ITIH2: variants seen among roughly 807,000 people sequenced by gnomAD.
ITIH2 encodes the protein inter-alpha-trypsin inhibitor heavy chain H2.
Under a neutral mutation model 104.4 loss-of-function variants are expected in ITIH2, and 103 were observed. The ratio of observed to expected loss-of-function variants is 0.99; its 90% confidence interval spans 0.84 to 1.16. ITIH2 has a LOEUF of 1.16. ITIH2 is among the 50% of genes most tolerant of loss of function. ITIH2 has a pLI of 0.00. For missense variants in ITIH2, 1,108 were observed against 1,162.4 expected, an observed-to-expected ratio of 0.95 and a Z score of 0.68; for synonymous variants, 436 against 435.4, an observed-to-expected ratio of 1.00 and a Z score of -0.02.
At chr10:7,713,493 G>C in intron 5 of ITIH2, 2 of 508,094 alleles carry the variant, frequency 3.9e-6, no homozygotes, top group South Asian at 6.4e-5. Flanking sequence ...GTGATCCCAC[G>C]CTGGTTGTGC....
chr10:7,704,721 C>T (rs1327730365), intron 1 of ITIH2, among the ~76,000 whole-genome samples: 1 of 152,030 alleles, frequency 6.6e-6, no homozygotes, highest in Non-Finnish European at 1.5e-5. Flanking sequence ...TTGTGATTGC[C>T]CAGAGGTAGA....
At chr10:7,712,380 G>A (rs1344618012) in intron 4 of ITIH2, among the ~76,000 whole-genome samples, 9 of 152,040 alleles carry the variant, frequency 5.9e-5, no homozygotes, top group African/African-American at 1.4e-4. Flanking sequence ...TAATGTCATC[G>A]TCCTAGGAAG....
chr10:7,718,802 T>A (rs754034209), intron 6 of ITIH2, among the ~76,000 whole-genome samples: 3 of 152,174 alleles, frequency 2.0e-5, no homozygotes, highest in Non-Finnish European at 4.4e-5. Context: ...TCCTGTAATA[T>A]GTGGCCAATG....
At chr10:7,741,863 C>T (rs1460125950) in intron 16 of ITIH2, among the ~76,000 whole-genome samples, 2 of 152,178 alleles carry the variant, frequency 1.3e-5, no homozygotes, top group Non-Finnish European at 2.9e-5. Flanking sequence ...CTTCTACCTC[C>T]ACTCCTTCCT....
rs1411774716 is a variant in ITIH2 at position 7,709,131 on chromosome 10, C to T, written c.302C>T (p.Pro101Leu). 6.2e-7 allele frequency: 1 copy of T among 1,614,116 alleles called. No homozygotes were observed. Among genetic ancestry groups the T allele is most frequent in the East Asian group, 2.2e-5 (1 of 44,882 alleles). The change falls in exon 4 of 21, where the codon CCT becomes CTT. Residue 101 changes from proline to leucine, a missense_variant. Transcript: ENST00000358415. ...AAAGTGGTGAACAATTCCCCGCAGC[C>T]TCAGAATGTCGTGTTTGATGTTCAG... Reference protein sequence around the residue: ...QSKVVNNSPQPQNVVFDVQIP... With the variant: ...QSKVVNNSPQLQNVVFDVQIP...
At chr10:7,737,458 TATA>T (rs970755715) in intron 15 of ITIH2, among the ~76,000 whole-genome samples, 55 of 139,910 alleles carry the variant, frequency 3.9e-4, no homozygotes, top group Non-Finnish European at 7.6e-4. Flanking sequence ...ACAGATAACG[TATA>T]ATTATAATTA....
rs114697543 is a variant in ITIH2 at position 7,718,806 on chromosome 10, G to A, written c.630+1018G>A. 5.1e-3 allele frequency among the ~76,000 whole-genome samples: 782 copies of A among 152,226 alleles called. 6 individuals are homozygous for A. Among genetic ancestry groups the A allele is most frequent in the African/African-American group, 0.018 (748 of 41,534 alleles). On this transcript the variant is annotated intron_variant, in intron 6 of 20. Transcript: ENST00000358415. ...TGGTTTCCTGTTCCTGTAATATGTG[G>A]CCAATGACAGGAGCTTGATGAAGGT...
Position 7,705,256 on chromosome 10 carries a change from A to G in ITIH2, c.159+74A>G. The G allele has an allele frequency of 4.9e-6, 5 of 1,022,510 alleles. No individual in the cohort carries two copies. The South Asian group carries it at 6.7e-5, about 14-fold the overall frequency. 63.3% of individuals were successfully genotyped at this position (1,022,510 alleles called of 1,614,324 possible). ...ATGGCAGAAGAAGACAAGTGTTAAG[A>G]TGCCTTCTGCTAGATTTTCTTAAGA... On this transcript the variant is annotated intron_variant, in intron 2 of 20. Transcript: ENST00000358415.
At chr10:7,740,094 G>A (rs1835110194) in intron 16 of ITIH2, among the ~76,000 whole-genome samples, 2 of 152,156 alleles carry the variant, frequency 1.3e-5, no homozygotes, top group African/African-American at 4.8e-5. Flanking sequence ...GCTTAGGCAG[G>A]AGAATTGCTT....
At chr10:7,727,333 C>T (rs1834960071) in intron 10 of ITIH2, among the ~76,000 whole-genome samples, 1 of 152,206 alleles carries the variant, frequency 6.6e-6, no homozygotes, top group African/African-American at 2.4e-5. Context: ...TTTAATGTCT[C>T]TCAGAAAAAG....
Position 7,727,733 on chromosome 10 carries a change from C to T in ITIH2, c.1184C>T (p.Ala395Val). The change falls in exon 11 of 21, where the codon GCA (alanine) becomes GTA (valine). Residue 395 changes from alanine to valine, a missense_variant. Transcript: ENST00000358415. ...GTNINEALLR[A>V]IFILNEANNL... ...AACATCAACGAAGCACTCCTACGGG[C>T]AATCTTCATTTTGAATGAAGCCAAT... 1 of 1,614,132 alleles carries T rather than the reference C, an allele frequency of 6.2e-7. No homozygotes were observed. Among genetic ancestry groups the T allele is most frequent in the Non-Finnish European group, 8.5e-7 (1 of 1,179,958 alleles).
intron 1 of ITIH2, 83 bp from the exon 2 acceptor site, chr10:7,705,025 C>T: frequency 4.6e-6 from 4 of 864,138 alleles, no homozygotes; most frequent in Non-Finnish European, 7.3e-6. Flanking sequence ...ACCTATGTAA[C>T]AAATCTGCAC....
In ITIH2 at chr10:7,735,075, T is replaced by G; in HGVS notation, c.1941T>G (p.Asp647Glu). Residue 647 changes from aspartate (D) to glutamate (E), a missense_variant, in exon 15 of 21, where the codon GAT (aspartate) becomes GAG (glutamate). Coordinates refer to ENST00000358415, the MANE Select transcript of ITIH2 (RefSeq NM_002216.3). ...ERMLADAPPQ[D>E]PSCCSGALYY... ...TGCTGGCGGATGCCCCACCGCAGGA[T>G]CCCTCCTGCTGCTCAGGTCAGGGCT... 6.2e-7 allele frequency: 1 copy of G among 1,609,202 alleles called. No homozygotes were observed. The highest frequency in any genetic ancestry group is 8.5e-7 in the Non-Finnish European group (1 of 1,179,582).
intron 4 of ITIH2, 135 bp downstream of exon 4, chr10:7,709,326 G>T (rs919035078): frequency 9.6e-5 from 71 of 739,054 alleles, no homozygotes; most frequent in Non-Finnish European, 1.4e-4. Flanking sequence ...TTGTGAGGTT[G>T]GTCCCAATAA....
chr10:7,746,068 TAAA>T (rs372266950), intron 19 of ITIH2, among the ~76,000 whole-genome samples: 767 of 35,698 alleles, frequency 0.021, 10 homozygotes, highest in Middle Eastern at 0.043. Context: ...ATCTTAAATT[TAAA>T]AAAAAAAAAA....
At position 7,717,752 on chromosome 10, in the gene ITIH2, C is replaced by A. The variant is rs746445870; in HGVS notation, c.594C>A (p.Ile198=). The A allele has an allele frequency of 4.3e-5, 69 of 1,612,226 alleles. No homozygotes were observed. Among genetic ancestry groups the A allele is most frequent in the Non-Finnish European group, 5.7e-5 (67 of 1,179,608 alleles). ...AGCTGGGCTCCTATGAGCACAGGAT[C>A]TATCTGCAACCTGGACGGCTGGCCA... ...WRKLGSYEHR[I]YLQPGRLAKH... is the part of the protein sequence containing the mutation. Residue 198 remains isoleucine (I), a synonymous_variant, in exon 6 of 21, where the codon ATC becomes ATA. Coordinates refer to ENST00000358415, the MANE Select transcript of ITIH2 (RefSeq NM_002216.3).
At chr10:7,718,476 G>A (rs1038356041) in intron 6 of ITIH2, among the ~76,000 whole-genome samples, 9 of 152,104 alleles carry the variant, frequency 5.9e-5, no homozygotes, top group African/African-American at 2.2e-4. Flanking sequence ...CTGAGTCTTC[G>A]CTGTCTCATC....
Position 7,720,849 on chromosome 10 carries a change from T to C in ITIH2, c.631-7T>C. The C allele has an allele frequency of 1.3e-6, 2 of 1,561,082 alleles. No homozygotes were observed. Among genetic ancestry groups the C allele is most frequent in the Non-Finnish European group, 1.8e-6 (2 of 1,132,344 alleles). On this transcript the variant is annotated splice_region_variant and splice_polypyrimidine_tract_variant and intron_variant, in intron 6 of 20. Coordinates refer to ENST00000358415, the MANE Select transcript of ITIH2 (RefSeq NM_002216.3). ...ATGCTTTGGGTAATTTTCTCTTGCA[T>C]CTCTAGGTAGATGTGTGGGTTATCG...
At chr10:7,708,998 G>A (rs1388900505) in intron 3 of ITIH2, 24 bp from the exon 4 acceptor site, 1 of 1,605,194 alleles carries the variant, frequency 6.2e-7, no homozygotes, top group African/African-American at 1.3e-5. Context: ...TATCAGTACA[G>A]TTATGCTTTC....
Sources: allele counts gnomAD v4.1 joint callset (sites outside exome capture counted in the v4.1 genomes callset), GRCh38; gene constraint gnomAD v4.1.1; transcripts MANE v1.5; gene names NCBI Gene and HGNC (gene_info 2026-07-23, HGNC 2026-07-21).